TCF4: variants seen among roughly 807,000 people sequenced by gnomAD.
TCF4 encodes the protein transcription factor 4, also known as SL3-3 enhancer factor 2.
TCF4 carries 3 observed loss-of-function variants against 82.1 expected under a neutral mutation model. The observed-to-expected ratio is 0.04, with a 90% CI of 0.02 to 0.09. The LOEUF is 0.09. Ranked by LOEUF, TCF4 falls within the 10% of genes least tolerant of loss-of-function variation. The pLI, the probability that TCF4 is intolerant of heterozygous loss-of-function variation, is 1.00. For missense variants in TCF4, 518 were observed against 852.7 expected (o/e 0.61, Z 4.89); for synonymous variants, 276 against 309.6 (o/e 0.89, Z 1.14).
intron 3 of TCF4, among the ~76,000 whole-genome samples, chr18:55,576,664 T>C (rs1257733428): frequency 6.6e-6 from 1 of 152,190 alleles, no homozygotes; most frequent in East Asian, 1.9e-4. Context: ...AATTGAGTTT[T>C]CCATGAACCC....
chr18:55,609,610 CACAA>C (rs2097705284), intron 2 of TCF4, among the ~76,000 whole-genome samples: 2 of 152,030 alleles, frequency 1.3e-5, no homozygotes, highest in South Asian at 4.1e-4. Context: ...AATTTTAAAA[CACAA>C]ACAAAAAAGG....
chr18:55,391,604 C>G (rs1173521119), intron 6 of TCF4, among the ~76,000 whole-genome samples: 1 of 151,934 alleles, frequency 6.6e-6, no homozygotes, highest in African/African-American at 2.4e-5. Flanking sequence ...ACCAAACGAC[C>G]ACTCACTGAC....
intron 8 of TCF4, among the ~76,000 whole-genome samples, chr18:55,305,017 C>A (rs936250362): frequency 6.6e-6 from 1 of 152,072 alleles, no homozygotes; most frequent in Non-Finnish European, 1.5e-5. Flanking sequence ...ACAATAAAAA[C>A]AATGAGGAAA....
chr18:55,537,614 T>C (rs545133917), intron 3 of TCF4, among the ~76,000 whole-genome samples: 1 of 152,136 alleles, frequency 6.6e-6, no homozygotes, highest in Admixed American at 6.5e-5. Flanking sequence ...ATAAAAAAAT[T>C]ATGCACTGCT....
intron 2 of TCF4, chr18:55,585,676 A>T: frequency 2.4e-6 from 2 of 843,594 alleles, no homozygotes; most frequent in Non-Finnish European, 3.1e-6. Context: ...GAAAAACACT[A>T]GTTTCACCAA....
At chr18:55,347,396 T>TC (rs2081414667) in intron 8 of TCF4, among the ~76,000 whole-genome samples, 2 of 152,088 alleles carry the variant, frequency 1.3e-5, no homozygotes, top group Middle Eastern at 3.4e-3. Flanking sequence ...GGGACAGGCT[T>TC]CCCCCCGACA....
intron 4 of TCF4, among the ~76,000 whole-genome samples, chr18:55,461,649 G>A (rs2095869688): frequency 6.6e-6 from 1 of 152,040 alleles, no homozygotes; most frequent in African/African-American, 2.4e-5. Flanking sequence ...TGTCACATAA[G>A]TAATTAACAC....
chr18:55,430,924 C>A (rs994706445), intron 5 of TCF4, among the ~76,000 whole-genome samples: 1 of 152,018 alleles, frequency 6.6e-6, no homozygotes, highest in Admixed American at 6.5e-5. Flanking sequence ...CACATTTCGC[C>A]GAGAAACCAC....
chr18:55,264,166 T>C (rs2058625348), intron 11 of TCF4, among the ~76,000 whole-genome samples: 1 of 152,182 alleles, frequency 6.6e-6, no homozygotes, highest in Non-Finnish European at 1.5e-5. Context: ...TAACTAAACA[T>C]TCTATCAGTG....
chr18:55,320,566 A>T (rs2075249130), intron 8 of TCF4, among the ~76,000 whole-genome samples: 1 of 152,230 alleles, frequency 6.6e-6, no homozygotes, highest in Non-Finnish European at 1.5e-5. Context: ...ATATACACTC[A>T]CAGGCATATA....
chr18:55,452,220 A>G (rs924864644), intron 5 of TCF4, among the ~76,000 whole-genome samples: 6 of 152,172 alleles, frequency 3.9e-5, no homozygotes, highest in African/African-American at 1.2e-4. Context: ...CAAAAGTTGG[A>G]TCCAGCTCTC....
chr18:55,585,744 T>C (rs1405864542), intron 2 of TCF4: 2 of 1,094,390 alleles, frequency 1.8e-6, no homozygotes, highest in Admixed American at 4.8e-5. Context: ...AACGTGGCAA[T>C]GTCCATTTCC....
rs1335130142 is a variant in TCF4 at position 55,254,506 on chromosome 18, A to G, written c.1341T>C (p.His447=). The G allele has an allele frequency of 1.2e-6, 2 of 1,613,620 alleles. No individual in the cohort carries two copies. The highest frequency in any genetic ancestry group is 1.3e-5 in the African/African-American group (1 of 75,028). ...YGTGLLSANR[H]SLMVGTHRED... is the part of the protein sequence containing the mutation. ...AAATTTCATCACTTACCATGAGTGA[A>G]TGTCTGTTGGCTGAAAGAAGGCCGG... The change falls in exon 15 of 20, where the codon CAT becomes CAC. Residue 447 remains histidine (H), a synonymous_variant. Coordinates refer to ENST00000354452, the MANE Select transcript of TCF4 (RefSeq NM_001083962.2).
At position 55,226,156 on chromosome 18, in the gene TCF4, T is replaced by C. The variant is rs2046568240; in HGVS notation, c.*1879A>G. The stretch of plus-strand genomic sequence containing the variant: ...CCATTTGTTGCATAAAATTTACAAA[T>C]GTATTTCATTACTATATAACTGGCA... On this transcript the variant is annotated 3_prime_UTR_variant, in exon 20 of 20. Coordinates refer to ENST00000354452, the MANE Select transcript of TCF4 (RefSeq NM_001083962.2). The C allele has an allele frequency of 1.3e-5, 2 of 152,604 alleles. No individual in the cohort carries two copies. The highest frequency in any genetic ancestry group is 1.3e-4 in the Admixed American group (2 of 15,280). 9.5% of individuals were successfully genotyped at this position (152,604 alleles called of 1,614,324 possible).
chr18:55,524,076 AG>A (rs1215328014), intron 3 of TCF4, among the ~76,000 whole-genome samples: 2 of 152,152 alleles, frequency 1.3e-5, no homozygotes, highest in Admixed American at 6.5e-5. Flanking sequence ...AGAAAAGGTC[AG>A]GCATGTTATT....
intron 2 of TCF4, among the ~76,000 whole-genome samples, chr18:55,605,814 A>C (rs2097701723): frequency 6.6e-6 from 1 of 152,222 alleles, no homozygotes; most frequent in Admixed American, 6.5e-5. Context: ...CAAATAACCT[A>C]AGAAGCGGTG....
chr18:55,401,178 A>G, intron 6 of TCF4: 2 of 1,229,486 alleles, frequency 1.6e-6, no homozygotes, highest in South Asian at 2.8e-5. Context: ...GGTCTGTTCT[A>G]TTCTCAAATT....
At chr18:55,347,318 TG>T (rs2081391879) in intron 8 of TCF4, among the ~76,000 whole-genome samples, 1 of 152,044 alleles carries the variant, frequency 6.6e-6, no homozygotes, top group African/African-American at 2.4e-5. Flanking sequence ...ATTAGATAGC[TG>T]TCTTTCACAC....
chr18:55,483,922 T>C (rs1458464634), intron 3 of TCF4, among the ~76,000 whole-genome samples: 2 of 152,254 alleles, frequency 1.3e-5, no homozygotes, highest in Admixed American at 6.5e-5. Context: ...ATAAATATCC[T>C]AGAGCAGTTT....
Sources: allele counts gnomAD v4.1 joint callset (sites outside exome capture counted in the v4.1 genomes callset), GRCh38; gene constraint gnomAD v4.1.1; transcripts MANE v1.5; gene names NCBI Gene and HGNC (gene_info 2026-07-23, HGNC 2026-07-21).